The following SEMA3A variants were observed in gnomAD, a reference collection of about 807,000 sequenced individuals.
The protein encoded by SEMA3A is semaphorin 3A, also known as semaphorin-3A.
Under a neutral mutation model 97.9 loss-of-function variants are expected in SEMA3A, and 29 were observed. That is an observed-to-expected ratio of 0.30 (90% confidence interval 0.22 to 0.40). The LOEUF is 0.40. Ranked by LOEUF, SEMA3A falls within the 10% of genes least tolerant of loss-of-function variation. The probability of loss-of-function intolerance (pLI) is 1.00; values close to 1 mark genes in which losing one functional copy is unlikely to be tolerated. For missense variants in SEMA3A, 763 were observed against 951.3 expected, an observed-to-expected ratio of 0.80 and a Z score of 2.60; for synonymous variants, 321 against 323.7, an observed-to-expected ratio of 0.99 and a Z score of 0.09.
chr7:84,238,309 C>T (rs751824774), intron 3 of SEMA3A, among the ~76,000 whole-genome samples: 20 of 152,046 alleles, frequency 1.3e-4, no homozygotes, highest in Admixed American at 5.2e-4. Context: ...TCAGGTGATC[C>T]GCCTGCCTCA....
rs745989067 is a variant in SEMA3A, at chr7:84,011,234, T to A, written c.874A>T (p.Ile292Phe). 1 of 1,614,010 alleles carries A rather than the reference T, an allele frequency of 6.2e-7. No homozygotes were observed. Among genetic ancestry groups the A allele is most frequent in the South Asian group, 1.1e-5 (1 of 91,074 alleles). The change falls in exon 8 of 17, where the codon ATT becomes TTT. Residue 292 changes from isoleucine to phenylalanine, a missense_variant. Ile to Phe is a conservative substitution (Grantham distance 21). Transcript: ENST00000265362. Reference sequence around the variant, plus strand: ...CCATTTGGACCTGGCACTGAGCAAATCAGACGAGCTTTGAGGAATGTTGTC... The same window carrying A: ...CCATTTGGACCTGGCACTGAGCAAAACAGACGAGCTTTGAGGAATGTTGTC... ...KWTTFLKARLICSVPGPNGID... is the reference protein window; with the variant it reads ...KWTTFLKARLFCSVPGPNGID...
At chr7:84,384,820 A>G (rs1446714728) in intron 1 of SEMA3A, among the ~76,000 whole-genome samples, 1 of 152,190 alleles carries the variant, frequency 6.6e-6, no homozygotes, top group East Asian at 1.9e-4. Context: ...TAGAGGAATA[A>G]TGTAATATTT....
chr7:84,312,911 TATATATATATACACACACAC>T (rs1298996056), intron 2 of SEMA3A, among the ~76,000 whole-genome samples: 1 of 51,828 alleles, frequency 1.9e-5, no homozygotes, highest in African/African-American at 5.1e-5. Context: ...TATATATATA[TATATATATATACACACACAC>T]ACACACACAC....
intron 2 of SEMA3A, among the ~76,000 whole-genome samples, chr7:84,348,281 A>G: frequency 6.6e-6 from 1 of 152,202 alleles, no homozygotes; most frequent in East Asian, 1.9e-4. Context: ...TAGAAATAAT[A>G]TATATGAGAA....
At chr7:84,262,931 G>A (rs1349113127) in intron 3 of SEMA3A, among the ~76,000 whole-genome samples, 1 of 152,158 alleles carries the variant, frequency 6.6e-6, no homozygotes, top group African/African-American at 2.4e-5. Flanking sequence ...GATATTTCAT[G>A]GATGACCCAT....
intron 1 of SEMA3A, among the ~76,000 whole-genome samples, chr7:84,373,403 A>G (rs1299302681): frequency 1.3e-5 from 2 of 152,208 alleles, no homozygotes; most frequent in African/African-American, 2.4e-5. Context: ...CTCTTAGGAA[A>G]TGTCCGCAGT....
chr7:84,450,467 T>C (rs1473726997), intron 1 of SEMA3A, among the ~76,000 whole-genome samples: 1 of 152,206 alleles, frequency 6.6e-6, no homozygotes, highest in Non-Finnish European at 1.5e-5. Flanking sequence ...CATGAATGTG[T>C]TCAGGCTATA....
intron 4 of SEMA3A, among the ~76,000 whole-genome samples, chr7:84,106,510 C>G (rs1025160961): frequency 6.6e-6 from 1 of 152,134 alleles, no homozygotes; most frequent in Admixed American, 6.5e-5. Flanking sequence ...GATTCTATCT[C>G]TGCTGTTAAA....
At position 84,007,261 on chromosome 7, in the gene SEMA3A, G is replaced by A. The variant is rs907699102; in HGVS notation, c.1140+92C>T. 9.0e-6 allele frequency: 9 copies of A among 1,002,672 alleles called. No homozygotes were observed. The African/African-American group carries it at 1.2e-4, about 13-fold the overall frequency. The allele number at this position is 1,002,672 out of a possible 1,614,324, so 62.1% of individuals were successfully genotyped here. ...CTTGAAATCTTTTTTCTACATTACA[G>A]GATACATTTAATATCTGTCTGTAGC... On this transcript the variant is annotated intron_variant, in intron 10 of 16. Transcript: ENST00000265362.
chr7:84,441,794 TGACTGGTCCTAC>T (rs1312977835), intron 1 of SEMA3A, among the ~76,000 whole-genome samples: 3 of 152,206 alleles, frequency 2.0e-5, no homozygotes, highest in Non-Finnish European at 4.4e-5. Context: ...AAAATAGATG[TGACTGGTCCTAC>T]ACAAGACATC....
At position 84,415,228 on chromosome 7, in the gene SEMA3A, C is replaced by T. The variant is rs552660604; in HGVS notation, c.-245-43328G>A. Among the ~76,000 whole-genome samples the T allele has an allele frequency of 2.5e-4, 38 of 152,064 alleles. 1 individual carries two copies. Among genetic ancestry groups the T allele is most frequent in the Middle Eastern group, 3.4e-3 (1 of 292 alleles). ...AGGTGACCTCTGTTATTTCATAAAT[C>T]TGTGTTAAAAAATCTGTTTCATAAA... On this transcript the variant is annotated intron_variant, in intron 1 of 3. Transcript: ENST00000424555.
chr7:84,283,665 A>G (rs1800509453), intron 3 of SEMA3A, among the ~76,000 whole-genome samples: 2 of 152,132 alleles, frequency 1.3e-5, no homozygotes, highest in African/African-American at 2.4e-5. Flanking sequence ...TTTCCACATA[A>G]TTCACATAGT....
intron 6 of SEMA3A, among the ~76,000 whole-genome samples, chr7:84,023,318 G>C (rs1397572453): frequency 6.6e-6 from 1 of 152,128 alleles, no homozygotes; most frequent in Admixed American, 6.6e-5. Flanking sequence ...ACCAGCATTT[G>C]GCTGGACCTA....
At chr7:84,180,103 T>C (rs1797695539) in intron 1 of SEMA3A, among the ~76,000 whole-genome samples, 1 of 150,500 alleles carries the variant, frequency 6.6e-6, no homozygotes, top group South Asian at 2.1e-4. Context: ...TGTGCCACCA[T>C]GCCCGGCTGA....
intron 2 of SEMA3A, among the ~76,000 whole-genome samples, chr7:84,313,354 GTGTATATATATATATATATATATA>G (rs1236260861): frequency 0.036 from 1,332 of 36,814 alleles, 62 homozygotes; most frequent in East Asian, 0.18. Flanking sequence ...ATATGTGTGT[GTGTATATATATATATATATATATA>G]TATATATATA....
intron 4 of SEMA3A, among the ~76,000 whole-genome samples, chr7:84,062,558 G>A (rs1383518911): frequency 1.3e-5 from 2 of 152,210 alleles, no homozygotes; most frequent in Non-Finnish European, 2.9e-5. Context: ...GTCAGTGGGT[G>A]CGCGCACCAC....
At chr7:84,182,241 C>G (rs982800158) in intron 1 of SEMA3A, among the ~76,000 whole-genome samples, 1 of 152,084 alleles carries the variant, frequency 6.6e-6, no homozygotes, top group African/African-American at 2.4e-5. Context: ...CATTCAGACT[C>G]AGAGACATAT....
chr7:84,399,358 C>T (rs1364528513), intron 1 of SEMA3A, among the ~76,000 whole-genome samples: 1 of 152,112 alleles, frequency 6.6e-6, no homozygotes, highest in Non-Finnish European at 1.5e-5. Context: ...ACAACTAGAC[C>T]ATCCTGACTG....
chr7:84,327,275 T>A (rs992940046), intron 2 of SEMA3A, among the ~76,000 whole-genome samples: 4 of 151,850 alleles, frequency 2.6e-5, no homozygotes, highest in Non-Finnish European at 4.4e-5. Context: ...CCATTAGGTA[T>A]GTTCAATGAC....
Sources: gnomAD v4.1 joint callset for allele counts (sites outside exome capture counted in the v4.1 genomes callset) on GRCh38, gnomAD v4.1.1 for gene constraint, MANE v1.5 for transcripts, NCBI Gene and HGNC (gene_info 2026-07-23, HGNC 2026-07-21) for gene names.